TP63: variants seen among roughly 807,000 people sequenced by gnomAD.
TP63 encodes the protein tumor protein 63.
TP63 carries 17 observed loss-of-function variants against 82.8 expected under a neutral mutation model. The observed-to-expected ratio is 0.21, with a 90% CI of 0.14 to 0.31. TP63 has a LOEUF of 0.31. Ranked by LOEUF, TP63 falls within the 10% of genes least tolerant of loss-of-function variation. The pLI is 1.00. For missense variants in TP63, 648 were observed against 895.3 expected, an observed-to-expected ratio of 0.72 and a Z score of 3.52; for synonymous variants, 330 against 321.7, an observed-to-expected ratio of 1.03 and a Z score of -0.28.
In TP63 at chr3:189,685,586, T is replaced by C. The variant is rs140382428; in HGVS notation, c.63-52154T>C. Among the ~76,000 whole-genome samples the C allele has an allele frequency of 4.2e-3, 638 of 152,300 alleles. 5 individuals are homozygous for C. Among genetic ancestry groups the C allele is most frequent in the African/African-American group, 0.014 (597 of 41,566 alleles). On this transcript the variant is annotated intron_variant, in intron 1 of 13. Coordinates refer to ENST00000264731, the MANE Select transcript of TP63 (RefSeq NM_003722.5). ...CAAGGCATAAAAGGTTTTAACTCTA[T>C]ATTTCCCAAACTGGTTTGTGTAGCA...
intron 4 of TP63, among the ~76,000 whole-genome samples, chr3:189,840,876 A>T (rs1033706116): frequency 2.0e-5 from 3 of 148,804 alleles, no homozygotes; most frequent in African/African-American, 4.9e-5. Flanking sequence ...AAAAAAAAAA[A>T]AACAACTATT....
At chr3:189,867,749 T>C (rs1717910030) in intron 6 of TP63, 84 bp from the exon 7 acceptor site, 1 of 1,243,144 alleles carries the variant, frequency 8.0e-7, no homozygotes, top group South Asian at 1.3e-5. Context: ...AGAAGTGGAA[T>C]TCCTTAAATA....
At chr3:189,629,060 G>A (rs1046278042), upstream of TP63, among the ~76,000 whole-genome samples, 3 of 151,950 alleles carry the variant, frequency 2.0e-5, no homozygotes, top group African/African-American at 4.8e-5. Flanking sequence ...ATTTAAATAC[G>A]TTAGGCTATA....
chr3:189,893,008 G>T (rs1721175189), intron 13 of TP63, among the ~76,000 whole-genome samples: 1 of 152,072 alleles, frequency 6.6e-6, no homozygotes, highest in Non-Finnish European at 1.5e-5. Context: ...CGTATTTCTA[G>T]AAAGAGACAC....
upstream of TP63, among the ~76,000 whole-genome samples, chr3:189,630,661 C>A (rs1269669398): frequency 1.3e-5 from 2 of 151,920 alleles, no homozygotes; most frequent in African/African-American, 2.4e-5. Flanking sequence ...ATTTTAATAT[C>A]TTTAAGAAAA....
Position 189,872,850 on chromosome 3 carries a change from C to A in TP63, c.1213-9C>A. The A allele has an allele frequency of 6.2e-7, 1 of 1,614,132 alleles. No homozygotes were observed. The highest frequency in any genetic ancestry group is 8.5e-7 in the Non-Finnish European group (1 of 1,179,994). ...ATGTTTCCTTCTTTCCTTCTGCTCA[C>A]TTCCATAGGTGAGGGGCCGTGAGAC... On this transcript the variant is annotated splice_polypyrimidine_tract_variant and intron_variant, in intron 9 of 13. Transcript: ENST00000264731.
chr3:189,707,143 A>G (rs1221857129), intron 1 of TP63, among the ~76,000 whole-genome samples: 1 of 152,240 alleles, frequency 6.6e-6, no homozygotes, highest in African/African-American at 2.4e-5. Context: ...TGATAATACT[A>G]TCTAAAAAAG....
At chr3:189,673,561 G>T (rs530576694) in intron 1 of TP63, among the ~76,000 whole-genome samples, 2 of 152,116 alleles carry the variant, frequency 1.3e-5, no homozygotes, top group Admixed American at 6.6e-5. Context: ...TTGTGTATAG[G>T]TCGTTAACAA....
At chr3:189,861,650 G>T (rs1473331916) in intron 4 of TP63, among the ~76,000 whole-genome samples, 2 of 152,156 alleles carry the variant, frequency 1.3e-5, no homozygotes, top group Admixed American at 6.5e-5. Flanking sequence ...GCAATATACT[G>T]AGAAATTAAT....
At chr3:189,602,847 C>CTTTAATGGCATAGAGCTAGTGTTCTATG in the TP63 span, among the ~76,000 whole-genome samples, 6 of 152,120 alleles carry the variant, frequency 3.9e-5, no homozygotes, top group African/African-American at 9.7e-5. Context: ...ACAGGCATCA[C>CTTTAATGGCATAGAGCTAGTGTTCTATG]TTTAATGGCA....
intron 1 of TP63, among the ~76,000 whole-genome samples, chr3:189,641,832 C>A (rs1711910116): frequency 6.6e-6 from 1 of 152,140 alleles, no homozygotes; most frequent in Admixed American, 6.5e-5. Flanking sequence ...ATGTAATTTA[C>A]CTGAATTATC....
intron 4 of TP63, among the ~76,000 whole-genome samples, chr3:189,852,137 T>A (rs1403487307): frequency 6.6e-6 from 1 of 152,238 alleles, no homozygotes; most frequent in Non-Finnish European, 1.5e-5. Context: ...TAGGATTTTT[T>A]AACTCCTAGT....
In TP63 at chr3:189,708,665, G is replaced by T. The variant is rs563428530; in HGVS notation, c.63-29075G>T. ...TGCTTTTAAGAGTAGACTGGGCAGG[G>T]TCTTGAACCCCTAAACCCACCTGGA... On this transcript the variant is annotated intron_variant, in intron 1 of 13. Coordinates refer to ENST00000264731, the MANE Select transcript of TP63 (RefSeq NM_003722.5). Among the ~76,000 whole-genome samples, 221 of 152,212 alleles carry T rather than the reference G, an allele frequency of 1.5e-3. 1 individual carries two copies. The highest frequency in any genetic ancestry group is 2.6e-3 in the Non-Finnish European group (178 of 68,012).
chr3:189,788,946 A>G (rs1351161142), intron 3 of TP63, among the ~76,000 whole-genome samples: 2 of 151,922 alleles, frequency 1.3e-5, no homozygotes, highest in Non-Finnish European at 2.9e-5. Context: ...TTAAAAAAAA[A>G]AAAAAGAAGA....
chr3:189,725,607 G>C (rs898766332), intron 1 of TP63, among the ~76,000 whole-genome samples: 2 of 152,008 alleles, frequency 1.3e-5, no homozygotes, highest in African/African-American at 4.8e-5. Flanking sequence ...CACTTTGAAG[G>C]GAACCACACG....
intron 1 of TP63, among the ~76,000 whole-genome samples, chr3:189,645,065 G>A (rs1213377948): frequency 6.6e-6 from 1 of 152,034 alleles, no homozygotes; most frequent in Non-Finnish European, 1.5e-5. Context: ...AATTTGTTAT[G>A]TACCTGTTAC....
chr3:189,789,731 G>T, intron 3 of TP63: 1 of 1,538,012 alleles, frequency 6.5e-7, no homozygotes, highest in East Asian at 2.5e-5. Flanking sequence ...AAGGGTCTCG[G>T]GGTGGGGGGG....
chr3:189,658,062 C>T (rs1299181794), intron 1 of TP63, among the ~76,000 whole-genome samples: 1 of 151,978 alleles, frequency 6.6e-6, no homozygotes, highest in Non-Finnish European at 1.5e-5. Flanking sequence ...CTGATGCATC[C>T]TGTGTTTTCA....
intron 3 of TP63, among the ~76,000 whole-genome samples, chr3:189,774,496 G>T (rs968118614): frequency 2.0e-5 from 3 of 152,136 alleles, no homozygotes; most frequent in South Asian, 4.1e-4. Context: ...AATTGTATGT[G>T]CACCTGTGTT....
Sources: gnomAD v4.1 joint callset for allele counts (sites outside exome capture counted in the v4.1 genomes callset) on GRCh38, gnomAD v4.1.1 for gene constraint, MANE v1.5 for transcripts, NCBI Gene and HGNC (gene_info 2026-07-23, HGNC 2026-07-21) for gene names.